Variants in C14orf39 observed in about 807,000 individuals in gnomAD.
C14orf39 encodes protein SIX6OS1.
Under a neutral mutation model 85.6 loss-of-function variants are expected in C14orf39, and 66 were observed. The ratio of observed to expected loss-of-function variants is 0.77; its 90% confidence interval spans 0.63 to 0.95. The LOEUF is 0.95. C14orf39 is among the 40% of genes least tolerant of loss of function. The pLI is 0.00. For synonymous variants in C14orf39, 242 were observed against 214.0 expected, an observed-to-expected ratio of 1.13 and a Z score of -1.14; for missense variants, 735 against 663.9, an observed-to-expected ratio of 1.11 and a Z score of -1.18.
intron 1 of C14orf39, 67 bp from the exon 2 acceptor site, chr14:60,485,153 T>A: frequency 7.5e-7 from 1 of 1,335,080 alleles, no homozygotes; most frequent in South Asian, 1.3e-5. Flanking sequence ...ATATATTTCG[T>A]AACGACCTTT....
At position 60,469,560 on chromosome 14, in the gene C14orf39, C is replaced by T. The variant is rs140979794; in HGVS notation, c.648G>A (p.Met216Ile). Residue 216 changes from methionine (M) to isoleucine (I), a missense_variant, in exon 8 of 18, where the codon ATG becomes ATA. Met to Ile is a conservative substitution (Grantham distance 10, BLOSUM62 1). Coordinates refer to ENST00000321731, the MANE Select transcript of C14orf39 (RefSeq NM_174978.3). ...SSELKKEVDE[M>I]EIEINYLNQQ... ...GGTTTAAATAATTAATTTCTATTTCCATTTCATCTACTTCTTTCTTCAATT... is the reference window on the plus strand; with the variant it reads ...GGTTTAAATAATTAATTTCTATTTCTATTTCATCTACTTCTTTCTTCAATT... 89 of 1,485,712 alleles carry T rather than the reference C, an allele frequency of 6.0e-5. No homozygotes were observed. The highest frequency in any genetic ancestry group is 8.0e-5 in the Non-Finnish European group (88 of 1,103,210). The allele number at this position is 1,485,712 out of a possible 1,614,324, so 92.0% of individuals were successfully genotyped here. A position where few individuals can be genotyped will look rare whatever the true frequency, so the allele number is the denominator to read the frequency against.
At chr14:60,460,649 GATT>G (rs1378096563) in intron 13 of C14orf39, among the ~76,000 whole-genome samples, 3 of 151,690 alleles carry the variant, frequency 2.0e-5, no homozygotes, top group Admixed American at 6.6e-5. Context: ...ACTCACATGT[GATT>G]ATGTTAATAT....
intron 3 of C14orf39, 63 bp from the exon 4 acceptor site, chr14:60,483,880 A>AG: frequency 1.6e-6 from 2 of 1,222,756 alleles, no homozygotes; most frequent in Non-Finnish European, 2.3e-6. Context: ...AAACAAATAG[A>AG]GAAAAAAAAT....
At chr14:60,438,793 G>GC in intron 17 of C14orf39, among the ~76,000 whole-genome samples, 1 of 152,206 alleles carries the variant, frequency 6.6e-6, no homozygotes, top group East Asian at 1.9e-4. Context: ...GTTGGGGATT[G>GC]CAAGAAGTAA....
intron 16 of C14orf39, among the ~76,000 whole-genome samples, chr14:60,446,392 A>T (rs1890766812): frequency 6.6e-6 from 1 of 152,238 alleles, no homozygotes; most frequent in Non-Finnish European, 1.5e-5. Context: ...ACAGAAATAC[A>T]AAGTACCATC....
At chr14:60,465,369 G>T (rs1438939128) in intron 11 of C14orf39, among the ~76,000 whole-genome samples, 2 of 152,074 alleles carry the variant, frequency 1.3e-5, no homozygotes, top group Admixed American at 6.6e-5. Context: ...TTAGCTCTCT[G>T]GGTGGTATGC....
intron 16 of C14orf39, among the ~76,000 whole-genome samples, chr14:60,452,690 A>G (rs1319677487): frequency 6.6e-6 from 1 of 152,170 alleles, no homozygotes; most frequent in African/African-American, 2.4e-5. Flanking sequence ...GTTTGAGGGG[A>G]TGGATACTCT....
At chr14:60,445,091 C>T (rs1890699767) in intron 16 of C14orf39, among the ~76,000 whole-genome samples, 1 of 151,772 alleles carries the variant, frequency 6.6e-6, no homozygotes, top group Non-Finnish European at 1.5e-5. Context: ...AAAGGAACAA[C>T]CAGTACCAGC....
At position 60,511,319 on chromosome 14, in the gene C14orf39, GGAA is replaced by G. The variant is rs1566691688; in HGVS notation, c.-144+4073_-144+4075del. ...AACGAGAAAAACAAAATGAAAGAGG[GGAA>G]GAAGATGAGAGACCTGCAAATCCAG... On this transcript the variant is annotated intron_variant, in intron 1 of 5. Coordinates refer to the C14orf39 transcript ENST00000556799. The G allele has an allele frequency of 1.9e-6, 3 of 1,539,056 alleles. No individual in the cohort carries two copies. The African/African-American group carries it at 4.1e-5, about 21-fold the overall frequency.
At chr14:60,486,352 T>G (rs1892893328), upstream of C14orf39, among the ~76,000 whole-genome samples, 1 of 152,210 alleles carries the variant, frequency 6.6e-6, no homozygotes, top group Non-Finnish European at 1.5e-5. Flanking sequence ...TTGTAACAAG[T>G]TTTTAAAAAT....
At chr14:60,506,174 T>C (rs959311753) in intron 1 of C14orf39, among the ~76,000 whole-genome samples, 2 of 152,156 alleles carry the variant, frequency 1.3e-5, no homozygotes, top group Admixed American at 6.5e-5. Context: ...ATCTACTAGC[T>C]GCAAACCACC....
At position 60,451,096 on chromosome 14, in the gene C14orf39, A is replaced by G. The variant is rs568563149; in HGVS notation, c.1503+3905T>C. On this transcript the variant is annotated intron_variant, in intron 16 of 17. Transcript: ENST00000321731. ...CATCAAGATCATCCAGGAAAACATG[A>G]ACTCACCAAATGAACTAGAAAAATC... 2.0e-5 allele frequency among the ~76,000 whole-genome samples: 3 copies of G among 152,306 alleles called. No homozygotes were observed. In the South Asian group the frequency reaches 6.2e-4, roughly 32 times the overall value.
At chr14:60,461,627 A>G in intron 11 of C14orf39, 34 bp from the exon 12 acceptor site, 2 of 1,400,364 alleles carry the variant, frequency 1.4e-6, no homozygotes, top group South Asian at 3.0e-5. Context: ...TGACTTGGCT[A>G]CACAAAGCAA....
At chr14:60,485,354 T>G (rs1410908678) in intron 1 of C14orf39, among the ~76,000 whole-genome samples, 1 of 152,208 alleles carries the variant, frequency 6.6e-6, no homozygotes, top group Non-Finnish European at 1.5e-5. Flanking sequence ...CATAACCGCT[T>G]ATGCGTGGGA....
intron 14 of C14orf39, among the ~76,000 whole-genome samples, chr14:60,457,746 T>C (rs1891343850): frequency 6.6e-6 from 1 of 152,034 alleles, no homozygotes; most frequent in Non-Finnish European, 1.5e-5. Flanking sequence ...TCTCTTATTT[T>C]AACCTTTAAT....
At chr14:60,509,381 G>C (rs1202249597) in intron 1 of C14orf39, 3 of 1,598,136 alleles carry the variant, frequency 1.9e-6, no homozygotes, top group Middle Eastern at 1.7e-4. Context: ...TGCCCTCGCC[G>C]CCGCCGGCAC....
chr14:60,442,236 A>G, intron 16 of C14orf39, 105 bp from the exon 17 acceptor site: 1 of 658,142 alleles, frequency 1.5e-6, no homozygotes, highest in South Asian at 2.4e-5. Flanking sequence ...CACAGAATTA[A>G]AGTAGACATA....
At chr14:60,453,114 CTGATTGTG>C (rs1891112398) in intron 16 of C14orf39, among the ~76,000 whole-genome samples, 1 of 152,042 alleles carries the variant, frequency 6.6e-6, no homozygotes, top group African/African-American at 2.4e-5. Flanking sequence ...AAGATCTTTA[CTGATTGTG>C]TTATCTAATT....
chr14:60,504,893 T>A (rs1333638998), intron 1 of C14orf39, among the ~76,000 whole-genome samples: 3 of 152,236 alleles, frequency 2.0e-5, no homozygotes, highest in African/African-American at 7.2e-5. Flanking sequence ...TAACATTTTT[T>A]AAGAAAACAT....
Sources: gnomAD v4.1 joint callset for allele counts (sites outside exome capture counted in the v4.1 genomes callset) on GRCh38, gnomAD v4.1.1 for gene constraint, MANE v1.5 for transcripts, NCBI Gene and HGNC (gene_info 2026-07-23, HGNC 2026-07-21) for gene names.